CCT6A: variants seen among roughly 807,000 people sequenced by gnomAD.
CCT6A encodes the protein chaperonin containing TCP1 subunit 6A, also known as T-complex protein 1 subunit zeta.
CCT6A carries 6 observed loss-of-function variants against 58.6 expected under a neutral mutation model. The observed-to-expected ratio is 0.10, with a 90% CI of 0.06 to 0.20. The LOEUF is 0.20. CCT6A is among the 10% of genes least tolerant of loss of function. The pLI, the probability that CCT6A is intolerant of heterozygous loss-of-function variation, is 1.00. For synonymous variants in CCT6A, 245 were observed against 227.8 expected, an observed-to-expected ratio of 1.08 and a Z score of -0.68; for missense variants, 516 against 648.8, an observed-to-expected ratio of 0.80 and a Z score of 2.22.
In CCT6A at chr7:56,058,037, A is replaced by G; in HGVS notation, c.659A>G (p.Asp220Gly). Residue 220 changes from aspartate to glycine, a missense_variant, in exon 6 of 14, where the codon GAT becomes GGT. Transcript: ENST00000275603. ...TTGGACCACGGAGCACGGCATCCTG[A>G]TATGAAGAAAAGGGTGGAGGATGCA... ...LVLDHGARHP[D>G]MKKRVEDAYI... 2 of 1,613,320 alleles carry G rather than the reference A, an allele frequency of 1.2e-6. No individual in the cohort carries two copies. Among genetic ancestry groups the G allele is most frequent in the Non-Finnish European group, 1.7e-6 (2 of 1,179,286 alleles).
Position 56,063,086 on chromosome 7 carries a change from A to AT in CCT6A, c.*3dup, listed in dbSNP as rs1489659704. 6.3e-7 allele frequency: 1 copy of AT among 1,588,774 alleles called. No individual in the cohort carries two copies. Among genetic ancestry groups the AT allele is most frequent in the Non-Finnish European group, 8.6e-7 (1 of 1,156,962 alleles). On this transcript the variant is annotated 3_prime_UTR_variant, in exon 14 of 14. Coordinates refer to ENST00000275603, the MANE Select transcript of CCT6A (RefSeq NM_001762.4). ...TGGAATGTCTTCTCTGAAAGGTTGA[A>AT]TTGAAGCTTCCTCTGTATCTGAATC...
Position 56,063,235 on chromosome 7 carries a change from G to A in CCT6A, c.*150G>A, listed in dbSNP as rs879734267. On this transcript the variant is annotated 3_prime_UTR_variant, in exon 14 of 14. Coordinates refer to ENST00000275603, the MANE Select transcript of CCT6A (RefSeq NM_001762.4). ...GAACACTGGCATCTGTTGAAATTTG[G>A]AAGTTCTGAAATTATAGTATTTTTA... The A allele has an allele frequency of 6.1e-5, 39 of 638,248 alleles. No homozygotes were observed. Among genetic ancestry groups the A allele is most frequent in the Non-Finnish European group, 9.5e-5 (34 of 359,742 alleles). 39.5% of individuals were successfully genotyped at this position (638,248 alleles called of 1,614,324 possible). A position where few individuals can be genotyped will look rare whatever the true frequency, so the allele number is the denominator to read the frequency against.
Position 56,061,727 on chromosome 7 carries a change from A to G in CCT6A, c.1348-20A>G, listed in dbSNP as rs1315784751. The stretch of plus-strand genomic sequence containing the variant: ...GTTATTAGTTCCTGTTTTCTCAAGA[A>G]TTAAATTTGTTTACTTTAGGTTCTT... On this transcript the variant is annotated intron_variant, in intron 11 of 13. Coordinates refer to ENST00000275603, the MANE Select transcript of CCT6A (RefSeq NM_001762.4). 1 of 1,031,408 alleles carries G rather than the reference A, an allele frequency of 9.7e-7. No individual in the cohort carries two copies. Among genetic ancestry groups the G allele is most frequent in the Non-Finnish European group, 1.4e-6 (1 of 736,314 alleles). 63.9% of individuals were successfully genotyped at this position (1,031,408 alleles called of 1,614,324 possible). A position where few individuals can be genotyped will look rare whatever the true frequency, so the allele number is the denominator to read the frequency against.
intron 11 of CCT6A, 73 bp from the exon 12 acceptor site, chr7:56,061,655 CTTTTTCTTTTTTCTTTTTT>C (rs1213155645): frequency 3.1e-6 from 2 of 639,848 alleles, no homozygotes; most frequent in Non-Finnish European, 4.9e-6. Context: ...CCGAGATTTT[CTTTTTCTTTTTTCTTTTTT>C]TTTTTTTTTT....
intron 11 of CCT6A, 71 bp from the exon 12 acceptor site, chr7:56,061,668 CTTTTTTTT>C (rs71015174): frequency 0.039 from 12,097 of 310,012 alleles, 84 homozygotes; most frequent in Middle Eastern, 0.052. Flanking sequence ...TTTCTTTTTT[CTTTTTTTT>C]TTTTTTTTTT....
intron 3 of CCT6A, chr7:56,055,300 A>G (rs1794282126): frequency 3.2e-6 from 1 of 310,692 alleles, no homozygotes; most frequent in Non-Finnish European, 6.2e-6. Context: ...AAATAAAGAT[A>G]GGATAATGCT....
chr7:56,056,944 C>T (rs1794322298), intron 5 of CCT6A, among the ~76,000 whole-genome samples: 1 of 151,624 alleles, frequency 6.6e-6, no homozygotes, highest in Non-Finnish European at 1.5e-5. Flanking sequence ...CTACAGGCGC[C>T]CGCCACCATG....
At chr7:56,052,369 T>C in intron 1 of CCT6A, 53 bp from the exon 2 acceptor site, 1 of 1,526,646 alleles carries the variant, frequency 6.6e-7, no homozygotes, top group Non-Finnish European at 9.1e-7. Flanking sequence ...TAATGGGACT[T>C]TTAGTTATCG....
intron 5 of CCT6A, among the ~76,000 whole-genome samples, chr7:56,057,255 A>G (rs778414094): frequency 3.3e-5 from 5 of 152,216 alleles, no homozygotes; most frequent in Non-Finnish European, 7.3e-5. Context: ...GTCATTTGGC[A>G]TTTATTGAAT....
intron 12 of CCT6A, 96 bp from the exon 13 acceptor site, chr7:56,062,587 A>C (rs558459845): frequency 1.3e-5 from 13 of 992,120 alleles, no homozygotes; most frequent in Non-Finnish European, 1.9e-5. Flanking sequence ...CATAGTTAAT[A>C]CTGGAGGAAA....
In CCT6A at chr7:56,056,332, G is replaced by A; in HGVS notation, c.532G>A (p.Ala178Thr). 6.3e-7 allele frequency: 1 copy of A among 1,586,228 alleles called. No individual in the cohort carries two copies. The highest frequency in any genetic ancestry group is 2.2e-5 in the East Asian group (1 of 44,772). ...LTEAVVDSIL[A>T]IKKQDEPIDL... ...GCAGGCTGTAGTGGACTCCATTTTG[G>A]CCATTAAAAAGCAAGATGAACCTAT... The change falls in exon 5 of 14, where the codon GCC (alanine) becomes ACC (threonine). Residue 178 changes from alanine to threonine, a missense_variant. Transcript: ENST00000275603.
At chr7:56,056,265 T>C (rs762497605) in intron 4 of CCT6A, 46 bp from the exon 5 acceptor site, 4 of 967,670 alleles carry the variant, frequency 4.1e-6, no homozygotes, top group South Asian at 2.6e-5. Flanking sequence ...AACATGTTTC[T>C]GCTGCAAATT....
chr7:56,051,768 A>C lies in CCT6A; in HGVS notation c.-81A>C, dbSNP rs1395119877. 1 of 1,504,084 alleles carries C rather than the reference A, an allele frequency of 6.6e-7. No individual in the cohort carries two copies. Among genetic ancestry groups the C allele is most frequent in the Non-Finnish European group, 8.9e-7 (1 of 1,120,674 alleles). 93.2% of individuals were successfully genotyped at this position (1,504,084 alleles called of 1,614,324 possible). Reference sequence around the variant, plus strand: ...GGCCAGACGGGCCGACTTTTCCAGAAGACCCGGATAGTTCCTCCCGGCCAC... The same window carrying C: ...GGCCAGACGGGCCGACTTTTCCAGACGACCCGGATAGTTCCTCCCGGCCAC... On this transcript the variant is annotated 5_prime_UTR_variant, in exon 1 of 14. Transcript: ENST00000275603.
At chr7:56,053,673 G>A (rs1562848441) in intron 2 of CCT6A, among the ~76,000 whole-genome samples, 1 of 152,160 alleles carries the variant, frequency 6.6e-6, no homozygotes, top group Non-Finnish European at 1.5e-5. Flanking sequence ...AGAATCGATC[G>A]CTTAAACCTG....
At position 56,060,844 on chromosome 7, in the gene CCT6A, A is replaced by G; in HGVS notation, c.1251A>G (p.Ala417=). 6.2e-7 allele frequency: 1 copy of G among 1,612,974 alleles called. No homozygotes were observed. Among genetic ancestry groups the G allele is most frequent in the East Asian group, 2.2e-5 (1 of 44,896 alleles). The change falls in exon 11 of 14, where the codon GCA becomes GCG. Residue 417 remains alanine, a synonymous_variant. Transcript: ENST00000275603. ...VVPGAGAVEV[A]MAEALIKHKP... ...CAGGTGCTGGTGCCGTGGAAGTGGC[A>G]ATGGCAGAAGCCCTGATTAAACATA...
At position 56,059,552 on chromosome 7, in the gene CCT6A, T is replaced by A; in HGVS notation, c.977T>A (p.Leu326His). 1 of 1,595,620 alleles carries A rather than the reference T, an allele frequency of 6.3e-7. No individual in the cohort carries two copies. The highest frequency in any genetic ancestry group is 8.6e-7 in the Non-Finnish European group (1 of 1,163,194). ...TTAAAATGCTATTTCAGGCTGACTCTTGCTTGTGGTGGGGTAGCCCTGAAT... is the reference window on the plus strand; with the variant it reads ...TTAAAATGCTATTTCAGGCTGACTCATGCTTGTGGTGGGGTAGCCCTGAAT... Reference protein sequence around the residue: ...AKRRNMERLTLACGGVALNSF... With the variant: ...AKRRNMERLTHACGGVALNSF... The change falls in exon 9 of 14, where the codon CTT becomes CAT. Residue 326 changes from leucine to histidine, a missense_variant. Transcript: ENST00000275603.
At chr7:56,057,927 C>T in intron 5 of CCT6A, 66 bp from the exon 6 acceptor site, 1 of 842,940 alleles carries the variant, frequency 1.2e-6, no homozygotes, top group Non-Finnish European at 2.0e-6. Context: ...CTTCTCATTT[C>T]AGTGTTTAAT....
At chr7:56,062,064 T>C in intron 12 of CCT6A, 1 of 405,550 alleles carries the variant, frequency 2.5e-6, no homozygotes, top group Admixed American at 4.3e-5. Flanking sequence ...GGATACAATT[T>C]TGGAGATGTT....
intron 2 of CCT6A, 43 bp downstream of exon 2, chr7:56,052,528 C>T (rs770876947): frequency 8.0e-6 from 12 of 1,492,152 alleles, no homozygotes; most frequent in Non-Finnish European, 1.1e-5. Context: ...CTTGATTTTC[C>T]GTAGAATGTT....
Sources: allele counts gnomAD v4.1 joint callset (sites outside exome capture counted in the v4.1 genomes callset), GRCh38; gene constraint gnomAD v4.1.1; transcripts MANE v1.5; gene names NCBI Gene and HGNC (gene_info 2026-07-23, HGNC 2026-07-21).